The following ARHGAP19 variants were observed in gnomAD, a reference collection of about 807,000 sequenced individuals.
ARHGAP19 encodes the protein rho GTPase-activating protein 19.
In ARHGAP19, 48 loss-of-function variants were observed where a neutral mutation model predicts 60.9. The observed-to-expected ratio is 0.79, with a 90% CI of 0.62 to 1.00. The LOEUF is 1.00. ARHGAP19 is among the 50% of genes least tolerant of loss of function. The pLI, the probability that ARHGAP19 is intolerant of heterozygous loss-of-function variation, is 0.00. For missense variants in ARHGAP19, 562 were observed against 597.2 expected, an observed-to-expected ratio of 0.94 and a Z score of 0.61; for synonymous variants, 209 against 215.5, an observed-to-expected ratio of 0.97 and a Z score of 0.27.
intron 1 of ARHGAP19, among the ~76,000 whole-genome samples, chr10:97,290,045 A>G (rs75563080): frequency 1.2e-4 from 18 of 152,250 alleles, no homozygotes; most frequent in African/African-American, 4.3e-4. Context: ...GGGCAAAAAA[A>G]AAAAATGATC....
intron 1 of ARHGAP19, among the ~76,000 whole-genome samples, chr10:97,290,054 T>A (rs955399552): frequency 6.6e-6 from 1 of 151,988 alleles, no homozygotes; most frequent in African/African-American, 2.4e-5. Flanking sequence ...AAAAAAATGA[T>A]CAACCATTTA....
intron 8 of ARHGAP19, among the ~76,000 whole-genome samples, chr10:97,239,763 A>G (rs987255833): frequency 2.0e-5 from 3 of 151,738 alleles, no homozygotes; most frequent in Non-Finnish European, 4.4e-5. Flanking sequence ...GCTGGAGTGC[A>G]ATGGCATGAC....
At position 97,222,786 on chromosome 10, in the gene ARHGAP19, G is replaced by C. The variant is rs1850827544; in HGVS notation, c.*3336C>G. ...AGGGCAGAGATAAGGCTCTCTCCTGGGGAAAGGAGTTCTACACAAAAATGA... is the reference window on the plus strand; with the variant it reads ...AGGGCAGAGATAAGGCTCTCTCCTGCGGAAAGGAGTTCTACACAAAAATGA... On this transcript the variant is annotated 3_prime_UTR_variant, in exon 12 of 12. Coordinates refer to ENST00000358531, the MANE Select transcript of ARHGAP19 (RefSeq NM_032900.6). 6.6e-6 allele frequency: 1 copy of C among 152,128 alleles called. No homozygotes were observed. Among genetic ancestry groups the C allele is most frequent in the African/African-American group, 2.4e-5 (1 of 41,406 alleles). The allele number at this position is 152,128 out of a possible 1,614,324, so 9.4% of individuals were successfully genotyped here.
At chr10:97,231,263 G>C (rs1851011351) in intron 9 of ARHGAP19, among the ~76,000 whole-genome samples, 1 of 151,864 alleles carries the variant, frequency 6.6e-6, no homozygotes, top group East Asian at 1.9e-4. Flanking sequence ...TGCACTTTTA[G>C]GATTCTAGCT....
In ARHGAP19 at chr10:97,223,780, T is replaced by C. The variant is rs1442123597; in HGVS notation, c.*2342A>G. 3.3e-5 allele frequency: 5 copies of C among 152,190 alleles called. No homozygotes were observed. The allele number at this position is 152,190 out of a possible 1,614,324, so 9.4% of individuals were successfully genotyped here. A position where few individuals can be genotyped will look rare whatever the true frequency, so the allele number is the denominator to read the frequency against. On this transcript the variant is annotated 3_prime_UTR_variant, in exon 12 of 12. Coordinates refer to ENST00000358531, the MANE Select transcript of ARHGAP19 (RefSeq NM_032900.6). ...GATAAAAGGGGTTTTCTCTGTGTTT[T>C]CCGTAAGATTCCACTGGATTAGAAT...
chr10:97,273,381 T>G (rs1481968309), intron 1 of ARHGAP19, among the ~76,000 whole-genome samples: 1 of 151,754 alleles, frequency 6.6e-6, no homozygotes, highest in African/African-American at 2.4e-5. Context: ...CAGGCTGGTC[T>G]CGAACTCCTG....
rs748568049 is a variant in ARHGAP19, at chr10:97,259,514, A to G, written c.728T>C (p.Leu243Pro). ...GTATAGGAGATCAAGCAATAACTTC[A>G]GCAAATTACGATTAGGAGGAGGGAG... ...LILPPPNRNL[L>P]KLLLDLLYQT... is the part of the protein sequence containing the mutation. The change falls in exon 5 of 12, where the codon CTG becomes CCG. Residue 243 changes from leucine to proline, a missense_variant. Physicochemically the swap from Leu to Pro is moderately conservative, Grantham distance 98 (BLOSUM62 -3). Transcript: ENST00000358531. 1 of 1,614,204 alleles carries G rather than the reference A, an allele frequency of 6.2e-7. No homozygotes were observed.
At chr10:97,242,324 CTTT>C (rs1164708198) in intron 8 of ARHGAP19, among the ~76,000 whole-genome samples, 4 of 55,788 alleles carry the variant, frequency 7.2e-5, no homozygotes, top group Admixed American at 1.9e-4. Context: ...TATCAGTGTT[CTTT>C]TTTTTTTTTT....
intron 1 of ARHGAP19, 96 bp downstream of exon 1, chr10:97,292,476 A>T: frequency 6.8e-7 from 1 of 1,473,322 alleles, no homozygotes. Context: ...AAAGAAACAA[A>T]GCCCGAACCG....
chr10:97,265,914 C>T lies in ARHGAP19; in HGVS notation c.268G>A (p.Gly90Arg), dbSNP rs1238236275. 3.1e-6 allele frequency: 5 copies of T among 1,614,102 alleles called. No homozygotes were observed. Among genetic ancestry groups the T allele is most frequent in the South Asian group, 2.2e-5 (2 of 91,084 alleles). Residue 90 changes from glycine to arginine, a missense_variant, in exon 2 of 12, where the codon GGG (glycine) becomes AGG (arginine). Physicochemically the swap from Gly to Arg is moderately radical, Grantham distance 125. Coordinates refer to ENST00000358531, the MANE Select transcript of ARHGAP19 (RefSeq NM_032900.6). ...AAGAATCCTGATGCTGGGCCAGCCC[C>T]GCCAGGCAACTTAAGGTCCACTTCC... ...MGEVDLKLPG[G>R]AGPASGFFRS...
chr10:97,289,700 A>C (rs1279514973), intron 1 of ARHGAP19, among the ~76,000 whole-genome samples: 1 of 151,696 alleles, frequency 6.6e-6, no homozygotes, highest in African/African-American at 2.4e-5. Context: ...ACAACAACAA[A>C]AACACTAGCT....
At chr10:97,244,661 G>C (rs1433224258) in intron 7 of ARHGAP19, among the ~76,000 whole-genome samples, 1 of 152,086 alleles carries the variant, frequency 6.6e-6, no homozygotes. Context: ...AGTGCTAGAG[G>C]AACAAAAACA....
chr10:97,265,865 C>A lies in ARHGAP19; in HGVS notation c.317G>T (p.Arg106Leu). The A allele has an allele frequency of 6.2e-7, 1 of 1,614,132 alleles. No homozygotes were observed. The highest frequency in any genetic ancestry group is 8.5e-7 in the Non-Finnish European group (1 of 1,180,006). ...GFFRSLMSLK[R>L]KEKGVIFGSP... The stretch of plus-strand genomic sequence containing the variant: ...TTCACAAACACATCTCCTACCCTTT[C>A]GCTTGAGAGACATGAGAGACCGGAA... The change falls in exon 2 of 12, where the codon CGA becomes CTA. Residue 106 changes from arginine (R) to leucine (L), a missense_variant. Coordinates refer to ENST00000358531, the MANE Select transcript of ARHGAP19 (RefSeq NM_032900.6).
intron 8 of ARHGAP19, among the ~76,000 whole-genome samples, chr10:97,240,003 G>A (rs1332569575): frequency 2.6e-5 from 4 of 151,816 alleles, no homozygotes; most frequent in Admixed American, 2.6e-4. Context: ...CACCCTGCTC[G>A]GCCCTGTACT....
chr10:97,240,463 C>A (rs1219871630), intron 8 of ARHGAP19, among the ~76,000 whole-genome samples: 4 of 152,148 alleles, frequency 2.6e-5, no homozygotes, highest in Non-Finnish European at 4.4e-5. Flanking sequence ...ACCAGCCTGG[C>A]CAATATGGCA....
intron 3 of ARHGAP19, among the ~76,000 whole-genome samples, chr10:97,264,339 G>C (rs1842869848): frequency 6.6e-6 from 1 of 151,992 alleles, no homozygotes; most frequent in Admixed American, 6.6e-5. Flanking sequence ...TGTGATCCCA[G>C]TTACTAGGGA....
chr10:97,244,576 TG>T, intron 7 of ARHGAP19, among the ~76,000 whole-genome samples: 1 of 152,330 alleles, frequency 6.6e-6, no homozygotes, highest in South Asian at 2.1e-4. Flanking sequence ...CAGACCCACC[TG>T]GGAGCCCAAG....
At chr10:97,257,856 T>C (rs1842776869) in intron 5 of ARHGAP19, among the ~76,000 whole-genome samples, 1 of 152,188 alleles carries the variant, frequency 6.6e-6, no homozygotes, top group Admixed American at 6.5e-5. Flanking sequence ...CAAAAATTTT[T>C]TATAAATTAC....
At chr10:97,269,551 G>A (rs1347715890) in intron 1 of ARHGAP19, among the ~76,000 whole-genome samples, 2 of 152,162 alleles carry the variant, frequency 1.3e-5, no homozygotes, top group African/African-American at 4.8e-5. Flanking sequence ...TCATTGACAA[G>A]AGCCTCTTTT....
Sources: allele counts gnomAD v4.1 joint callset (sites outside exome capture counted in the v4.1 genomes callset), GRCh38; gene constraint gnomAD v4.1.1; transcripts MANE v1.5; gene names NCBI Gene and HGNC (gene_info 2026-07-23, HGNC 2026-07-21).